GPR158: variants seen among roughly 807,000 people sequenced by gnomAD.
The protein encoded by GPR158 is metabotropic glycine receptor.
In GPR158, 30 loss-of-function variants were observed where a neutral mutation model predicts 78.2. That is an observed-to-expected ratio of 0.38 (90% CI 0.29 to 0.52). The LOEUF is 0.52. Among genes scored for constraint, GPR158 ranks in the 20% least tolerant of loss-of-function variants. GPR158 has a pLI of 0.83. For missense variants in GPR158, 1,463 were observed against 1,523.5 expected (o/e 0.96, Z 0.66); for synonymous variants, 581 against 591.1 (o/e 0.98, Z 0.25).
intron 4 of GPR158, among the ~76,000 whole-genome samples, chr10:25,413,520 G>A (rs1564448408): frequency 6.6e-6 from 1 of 152,036 alleles, no homozygotes; most frequent in Non-Finnish European, 1.5e-5. Context: ...TGTGCCATTT[G>A]GAAAGAAAAC....
At chr10:25,439,298 T>G (rs1835037562) in intron 4 of GPR158, among the ~76,000 whole-genome samples, 1 of 152,130 alleles carries the variant, frequency 6.6e-6, no homozygotes, top group African/African-American at 2.4e-5. Flanking sequence ...GGAAACACCT[T>G]ATAAAATTGT....
At chr10:25,560,557 G>A (rs184167606) in intron 6 of GPR158, among the ~76,000 whole-genome samples, 3 of 152,272 alleles carry the variant, frequency 2.0e-5, no homozygotes, top group East Asian at 1.9e-4. Flanking sequence ...GAGCCATTGC[G>A]CCCATCCTAA....
intron 5 of GPR158, among the ~76,000 whole-genome samples, chr10:25,483,788 G>A (rs573000847): frequency 1.3e-5 from 2 of 151,936 alleles, no homozygotes; most frequent in Non-Finnish European, 2.9e-5. Context: ...ACAAATTCTT[G>A]TACCTTTTAA....
chr10:25,288,718 G>A (rs1477663077), intron 2 of GPR158, among the ~76,000 whole-genome samples: 2 of 152,112 alleles, frequency 1.3e-5, no homozygotes, highest in Non-Finnish European at 2.9e-5. Flanking sequence ...ATCTGTAGTT[G>A]GGAATTTTCT....
chr10:25,473,851 A>G (rs541237359), intron 5 of GPR158, among the ~76,000 whole-genome samples: 3 of 152,260 alleles, frequency 2.0e-5, no homozygotes, highest in East Asian at 3.9e-4. Flanking sequence ...CAGATAAAAC[A>G]TGATCTCTTT....
At chr10:25,526,918 T>C (rs1282096880) in intron 5 of GPR158, among the ~76,000 whole-genome samples, 1 of 152,204 alleles carries the variant, frequency 6.6e-6, no homozygotes, top group African/African-American at 2.4e-5. Context: ...AGCTATATGC[T>C]GTACAATGTA....
chr10:25,444,512 C>T (rs768663317), intron 4 of GPR158, among the ~76,000 whole-genome samples: 1 of 147,394 alleles, frequency 6.8e-6, no homozygotes, highest in Non-Finnish European at 1.5e-5. Context: ...CGCATGTATG[C>T]GTGTGGGTAT....
rs553039231 is a variant in GPR158 at position 25,225,183 on chromosome 10, C to CCTTTTTTTTTTTT, written c.1008+4026_1008+4027insCTTTTTTTTTTTT. Among the ~76,000 whole-genome samples, 160 of 134,736 alleles carry CCTTTTTTTTTTTT rather than the reference C, an allele frequency of 1.2e-3. 1 individual carries two copies. The highest frequency in any genetic ancestry group is 4.4e-3 in the African/African-American group (156 of 35,460). 88.4% of individuals were successfully genotyped at this position (134,736 alleles called of 152,430 possible). On this transcript the variant is annotated intron_variant, in intron 2 of 10. Transcript: ENST00000376351. ...AGATCAGCAGATTTGGAACATTTGCCTTTTTTTTTTTTTTTGTATAAAGCA... is the reference window on the plus strand; with the variant it reads ...AGATCAGCAGATTTGGAACATTTGCCCTTTTTTTTTTTTTTTTTTTTTTTTTTTGTATAAAGCA...
intron 2 of GPR158, among the ~76,000 whole-genome samples, chr10:25,299,002 T>A (rs530582725): frequency 4.6e-5 from 7 of 152,344 alleles, no homozygotes; most frequent in African/African-American, 1.7e-4. Flanking sequence ...ATTTTGTAGA[T>A]TTTGGTGAGC....
At chr10:25,284,796 T>G (rs1588774684) in intron 2 of GPR158, among the ~76,000 whole-genome samples, 1 of 152,094 alleles carries the variant, frequency 6.6e-6, no homozygotes, top group Non-Finnish European at 1.5e-5. Context: ...TTTTAGTGGT[T>G]ACTGTATGGT....
chr10:25,516,051 T>G (rs1262153800), intron 5 of GPR158, among the ~76,000 whole-genome samples: 6 of 151,820 alleles, frequency 4.0e-5, no homozygotes, highest in Admixed American at 3.3e-4. Context: ...GACTTTTTAA[T>G]GATCACCATT....
chr10:25,375,201 A>T (rs1435454697), intron 2 of GPR158, among the ~76,000 whole-genome samples: 1 of 151,456 alleles, frequency 6.6e-6, no homozygotes, highest in Non-Finnish European at 1.5e-5. Context: ...GTGAATGTTT[A>T]TGTCCTTTGC....
chr10:25,405,498 C>CTTTTTTTT lies in GPR158; in HGVS notation c.1112-6729_1112-6722dup, dbSNP rs59695469. Reference sequence around the variant, plus strand: ...AAAATCTGACAAGAGAAACAATTTCCTTTTTTTTTTTTTTTTTTTTTTTTT... The same window carrying CTTTTTTTT: ...AAAATCTGACAAGAGAAACAATTTCCTTTTTTTTTTTTTTTTTTTTTTTTTTTTTTTTT... On this transcript the variant is annotated intron_variant, in intron 3 of 10. Coordinates refer to ENST00000376351, the MANE Select transcript of GPR158 (RefSeq NM_020752.3). Among the ~76,000 whole-genome samples the CTTTTTTTT allele has an allele frequency of 5.3e-4, 24 of 45,532 alleles. 2 individuals carry two copies. Among genetic ancestry groups the CTTTTTTTT allele is most frequent in the Non-Finnish European group, 7.3e-4 (17 of 23,278 alleles). The allele number at this position is 45,532 out of a possible 152,430, so 29.9% of individuals were successfully genotyped here. A position where few individuals can be genotyped will look rare whatever the true frequency, so the allele number is the denominator to read the frequency against.
chr10:25,295,494 A>G (rs1024384667), intron 2 of GPR158, among the ~76,000 whole-genome samples: 2 of 151,724 alleles, frequency 1.3e-5, no homozygotes, highest in African/African-American at 4.8e-5. Context: ...GCTCACTGCA[A>G]GCTCCACCTC....
chr10:25,570,405 G>GT (rs1216510351), intron 6 of GPR158, among the ~76,000 whole-genome samples: 14 of 151,928 alleles, frequency 9.2e-5, no homozygotes, highest in African/African-American at 3.4e-4. Context: ...GGGTTTGATA[G>GT]TTAGAGTTCA....
At chr10:25,387,849 T>C (rs1834243764) in intron 2 of GPR158, among the ~76,000 whole-genome samples, 1 of 152,134 alleles carries the variant, frequency 6.6e-6, no homozygotes, top group Non-Finnish European at 1.5e-5. Flanking sequence ...TAAGGAAGAT[T>C]GTTGTTTATT....
chr10:25,181,117 A>G (rs912819029), intron 1 of GPR158, among the ~76,000 whole-genome samples: 1 of 152,176 alleles, frequency 6.6e-6, no homozygotes, highest in African/African-American at 2.4e-5. Flanking sequence ...CTCTAGGCCA[A>G]ACATACCCTA....
rs1837436399 is a variant in GPR158 at position 25,598,125 on chromosome 10, C to T, written c.2499C>T (p.Ser833=). ...GAGACCAAACGGAAGAGTCCAGTAG[C>T]CTACCCACAGAAAGCCAAGAGGAGG... The part of the protein sequence containing the change: ...HVRDQTEESS[S]LPTESQEEET... The change falls in exon 11 of 11, where the codon AGC becomes AGT. Residue 833 remains serine (S), a synonymous_variant. Transcript: ENST00000376351. 1.9e-6 allele frequency: 3 copies of T among 1,614,058 alleles called. No homozygotes were observed. The highest frequency in any genetic ancestry group is 2.5e-6 in the Non-Finnish European group (3 of 1,179,986).
intron 5 of GPR158, among the ~76,000 whole-genome samples, chr10:25,478,112 G>A (rs1005828964): frequency 6.6e-6 from 1 of 152,122 alleles, no homozygotes; most frequent in African/African-American, 2.4e-5. Context: ...AGGATGTATG[G>A]TTAAGAGCCT....
Sources: gnomAD v4.1 joint callset for allele counts (sites outside exome capture counted in the v4.1 genomes callset) on GRCh38, gnomAD v4.1.1 for gene constraint, MANE v1.5 for transcripts, NCBI Gene and HGNC (gene_info 2026-07-23, HGNC 2026-07-21) for gene names.